Variants in CAGE1 observed in about 807,000 individuals in gnomAD.
CAGE1 encodes cancer antigen 1.
In CAGE1, 66 loss-of-function variants were observed where a neutral mutation model predicts 94.9. That is an observed-to-expected ratio of 0.70 (90% CI 0.57 to 0.85). CAGE1 has a LOEUF of 0.85. Among genes scored for constraint, CAGE1 ranks in the 40% least tolerant of loss-of-function variants. The probability of loss-of-function intolerance (pLI) is 0.00; values close to 1 mark genes in which losing one functional copy is unlikely to be tolerated. For missense variants in CAGE1, 865 were observed against 950.4 expected, an observed-to-expected ratio of 0.91 and a Z score of 1.18; for synonymous variants, 319 against 321.0, an observed-to-expected ratio of 0.99 and a Z score of 0.07.
At chr6:7,365,289 CA>C (rs2113432924) in intron 9 of CAGE1, among the ~76,000 whole-genome samples, 178 bp downstream of exon 9, 1 of 152,304 alleles carries the variant, frequency 6.6e-6, no homozygotes, top group African/African-American at 2.4e-5. Flanking sequence ...TTTAAAATTT[CA>C]AAACCCCAAA....
chr6:7,363,473 T>C (rs1355483897), intron 9 of CAGE1, among the ~76,000 whole-genome samples: 5 of 152,236 alleles, frequency 3.3e-5, no homozygotes, highest in Admixed American at 3.3e-4. Context: ...GTCCTCTAAG[T>C]CTCTAGCCTC....
intron 7 of CAGE1, 26 bp downstream of exon 7, chr6:7,368,662 T>A: frequency 8.4e-7 from 1 of 1,191,354 alleles, no homozygotes. Context: ...ATAATAAAAT[T>A]TTTAGAAGAA....
chr6:7,352,508 C>T (rs1759820316), intron 11 of CAGE1, among the ~76,000 whole-genome samples: 1 of 151,990 alleles, frequency 6.6e-6, no homozygotes, highest in African/African-American at 2.4e-5. Flanking sequence ...CCCATCAAAA[C>T]ACTACCATCA....
In CAGE1 at chr6:7,374,149, CAAAG is replaced by C; in HGVS notation, c.688-22_688-19del. 6.3e-7 allele frequency: 1 copy of C among 1,587,504 alleles called. No homozygotes were observed. Among genetic ancestry groups the C allele is most frequent in the Non-Finnish European group, 8.6e-7 (1 of 1,162,410 alleles). On this transcript the variant is annotated intron_variant, in intron 4 of 13. Transcript: ENST00000502583. ...ACTGCAGTCTGTAAATTATAGTAAA[CAAAG>C]TAAGTGTGAACGAGTAGAAAGATAA... is the stretch of plus-strand genomic sequence containing the variant.
At chr6:7,353,800 G>A (rs1029086038) in intron 11 of CAGE1, among the ~76,000 whole-genome samples, 1 of 151,594 alleles carries the variant, frequency 6.6e-6, no homozygotes, top group Non-Finnish European at 1.5e-5. Context: ...CAGTGACCTG[G>A]ATGAGACTGG....
At chr6:7,334,722 T>A (rs1332218720) in intron 11 of CAGE1, among the ~76,000 whole-genome samples, 2 of 44,340 alleles carry the variant, frequency 4.5e-5, no homozygotes, top group East Asian at 4.0e-4. Flanking sequence ...CTAGACTCTC[T>A]CTCAAAAAAA....
chr6:7,331,568 G>A, intron 12 of CAGE1: 1 of 354,028 alleles, frequency 2.8e-6, no homozygotes, highest in Non-Finnish European at 5.5e-6. Context: ...ACACCATTCT[G>A]GGCCCCATTA....
intron 4 of CAGE1, 126 bp from the exon 5 acceptor site, chr6:7,374,257 C>T: frequency 1.4e-6 from 1 of 699,880 alleles, no homozygotes; most frequent in South Asian, 1.9e-5. Flanking sequence ...TATAAAGTAA[C>T]AATAGTATCT....
intron 4 of CAGE1, 33 bp from the exon 5 acceptor site, chr6:7,374,164 C>T (rs564901165): frequency 7.1e-6 from 11 of 1,544,868 alleles, no homozygotes; most frequent in Admixed American, 3.6e-5. Context: ...TAAGTGTGAA[C>T]GAGTAGAAAG....
chr6:7,389,404 C>A lies in CAGE1; in HGVS notation c.-226G>T. 1 of 448,610 alleles carries A rather than the reference C, an allele frequency of 2.2e-6. No individual in the cohort carries two copies. The highest frequency in any genetic ancestry group is 1.6e-5 in the South Asian group (1 of 64,228). The allele number at this position is 448,610 out of a possible 1,614,324, so 27.8% of individuals were successfully genotyped here. Reference sequence around the variant, plus strand: ...TCCACCAAGGACTCTCACAAACTCGCAATCGGGCTCCCGGAGTGCTGGAAC... The same window carrying A: ...TCCACCAAGGACTCTCACAAACTCGAAATCGGGCTCCCGGAGTGCTGGAAC... On this transcript the variant is annotated 5_prime_UTR_variant, in exon 1 of 14. Coordinates refer to ENST00000502583, the MANE Select transcript of CAGE1 (RefSeq NM_001170692.2).
At chr6:7,387,262 A>G (rs1450346785) in intron 1 of CAGE1, 66 bp from the exon 2 acceptor site, 8 of 822,758 alleles carry the variant, frequency 9.7e-6, no homozygotes, top group Admixed American at 5.5e-5. Context: ...CCCTCTTCTC[A>G]TTAAGAAAGT....
At chr6:7,337,620 C>A (rs1349315821) in intron 11 of CAGE1, among the ~76,000 whole-genome samples, 1 of 152,070 alleles carries the variant, frequency 6.6e-6, no homozygotes, top group African/African-American at 2.4e-5. Flanking sequence ...GAAGGCTATC[C>A]TTTTTCCACT....
chr6:7,333,933 G>C, intron 12 of CAGE1, 89 bp downstream of exon 12: 1 of 803,058 alleles, frequency 1.2e-6, no homozygotes, highest in South Asian at 1.6e-5. Context: ...CTCCCAAAGT[G>C]CTGGGATTAC....
intron 5 of CAGE1, among the ~76,000 whole-genome samples, chr6:7,371,032 C>G (rs1422389135): frequency 6.6e-6 from 1 of 152,110 alleles, no homozygotes; most frequent in African/African-American, 2.4e-5. Flanking sequence ...AATTTCTGTA[C>G]AATTAAACTA....
At chr6:7,335,548 C>T (rs1460607223) in intron 11 of CAGE1, among the ~76,000 whole-genome samples, 3 of 152,180 alleles carry the variant, frequency 2.0e-5, no homozygotes, top group South Asian at 2.1e-4. Flanking sequence ...ATGCTGCAGC[C>T]GTGAGATCAG....
intron 11 of CAGE1, among the ~76,000 whole-genome samples, chr6:7,348,291 A>ACTTG (rs1206286893): frequency 6.6e-6 from 1 of 152,138 alleles, no homozygotes; most frequent in Non-Finnish European, 1.5e-5. Context: ...TGCCAGGTAG[A>ACTTG]CTTGCTGGGT....
At chr6:7,383,049 C>T (rs1290546136) in intron 3 of CAGE1, among the ~76,000 whole-genome samples, 1 of 151,770 alleles carries the variant, frequency 6.6e-6, no homozygotes, top group African/African-American at 2.4e-5. Context: ...GCAATTAAAT[C>T]ATGGGAACGG....
chr6:7,335,955 T>A (rs1009529557), intron 11 of CAGE1, among the ~76,000 whole-genome samples: 6 of 152,158 alleles, frequency 3.9e-5, no homozygotes, highest in African/African-American at 9.6e-5. Context: ...GCAATTAATT[T>A]AAAAAAAATG....
intron 11 of CAGE1, chr6:7,347,525 C>CG (rs1759601588): frequency 5.3e-4 from 2 of 3,770 alleles, no homozygotes; most frequent in Non-Finnish European, 1.2e-3. Context: ...TTGGGGGGGG[C>CG]GGTGGGGGAA....
Sources: allele counts gnomAD v4.1 joint callset (sites outside exome capture counted in the v4.1 genomes callset), GRCh38; gene constraint gnomAD v4.1.1; transcripts MANE v1.5; gene names NCBI Gene and HGNC (gene_info 2026-07-23, HGNC 2026-07-21).